Variants in AK8 observed in about 807,000 individuals in gnomAD.
AK8 encodes the protein ATP-AMP transphosphorylase 8.
Under a neutral mutation model 54.6 loss-of-function variants are expected in AK8, and 44 were observed. That is an observed-to-expected ratio of 0.81 (90% CI 0.63 to 1.04). AK8 has a LOEUF of 1.04. Among genes scored for constraint, AK8 ranks in the 50% least tolerant of loss-of-function variants. AK8 has a pLI of 0.00. For synonymous variants in AK8, 239 were observed against 245.6 expected, an observed-to-expected ratio of 0.97 and a Z score of 0.25; for missense variants, 555 against 613.6, an observed-to-expected ratio of 0.90 and a Z score of 1.01.
intron 1 of AK8, chr9:132,877,958 G>T: frequency 7.8e-7 from 1 of 1,276,210 alleles, no homozygotes; most frequent in Non-Finnish European, 1.1e-6. Flanking sequence ...CTCCCCCTGG[G>T]TCCGCCTGAG....
intron 1 of AK8, 150 bp from the exon 2 acceptor site, chr9:132,875,349 C>A: frequency 6.8e-7 from 1 of 1,475,518 alleles, no homozygotes; most frequent in Non-Finnish European, 9.0e-7. Flanking sequence ...CTGGCATCTG[C>A]TTGGGTCCCC....
At position 132,878,100 on chromosome 9, in the gene AK8, C is replaced by G; in HGVS notation, c.84+72G>C. On this transcript the variant is annotated intron_variant, in intron 1 of 12. Transcript: ENST00000298545. The surrounding 1 kb of genome is among the most constrained non-coding windows in gnomAD (Gnocchi z 4.7). ...CTCGGCCCCAGCTGCGGGTCCCGGC[C>G]GCGCACCCGACGTCGCAGTGGAGGC... 1 of 1,542,018 alleles carries G rather than the reference C, an allele frequency of 6.5e-7. No homozygotes were observed. Among genetic ancestry groups the G allele is most frequent in the Non-Finnish European group, 8.8e-7 (1 of 1,140,380 alleles).
At chr9:132,835,367 G>T (rs186406332) in intron 5 of AK8, among the ~76,000 whole-genome samples, 3 of 152,280 alleles carry the variant, frequency 2.0e-5, no homozygotes, top group Admixed American at 2.0e-4. Context: ...TCACTTTGGA[G>T]GTTCACATTT....
At position 132,799,212 on chromosome 9, in the gene AK8, C is replaced by T. The variant is rs1840327045; in HGVS notation, c.980-6437G>A. The stretch of plus-strand genomic sequence containing the variant: ...ACCGCAGAGCCAGCCCTGCAGGGAC[C>T]TTGGCTTTCTGCCCATCAGTTATTG... On this transcript the variant is annotated intron_variant, in intron 10 of 12. Transcript: ENST00000298545. This position sits in a 1 kb window ranked among gnomAD's most constrained non-coding sequence, Gnocchi z 5.0. Among the ~76,000 whole-genome samples, 1 of 152,168 alleles carries T rather than the reference C, an allele frequency of 6.6e-6. No individual in the cohort carries two copies. Among genetic ancestry groups the T allele is most frequent in the Non-Finnish European group, 1.5e-5 (1 of 68,032 alleles).
intron 5 of AK8, among the ~76,000 whole-genome samples, chr9:132,846,504 GATGA>G (rs56358230): frequency 0.19 from 29,389 of 150,764 alleles, 3,441 homozygotes; most frequent in African/African-American, 0.32. Context: ...TGAGAGAATA[GATGA>G]ATGAATGAAT....
chr9:132,737,007 T>G (rs556599421), intron 11 of AK8, among the ~76,000 whole-genome samples: 1 of 151,984 alleles, frequency 6.6e-6, no homozygotes, highest in Non-Finnish European at 1.5e-5. Flanking sequence ...TTTTAATGAG[T>G]CTAGAGTTTC....
At chr9:132,872,174 A>C (rs569849133) in intron 2 of AK8, among the ~76,000 whole-genome samples, 2 of 151,814 alleles carry the variant, frequency 1.3e-5, no homozygotes, top group Non-Finnish European at 2.9e-5. Context: ...TCTCTACAAA[A>C]AATTTTTAAA....
chr9:132,749,758 G>C (rs755089725), intron 11 of AK8, among the ~76,000 whole-genome samples: 6 of 149,958 alleles, frequency 4.0e-5, no homozygotes, highest in Non-Finnish European at 8.9e-5. Flanking sequence ...TTTTTAAATC[G>C]ATATGAAAAT....
intron 5 of AK8, among the ~76,000 whole-genome samples, chr9:132,854,580 T>C (rs973427102): frequency 6.6e-6 from 1 of 152,260 alleles, no homozygotes; most frequent in African/African-American, 2.4e-5. Context: ...CTCCCATGCT[T>C]CTGCGATTGT....
intron 5 of AK8, among the ~76,000 whole-genome samples, chr9:132,835,712 G>A (rs1388888266): frequency 6.6e-6 from 1 of 152,200 alleles, no homozygotes; most frequent in Non-Finnish European, 1.5e-5. Flanking sequence ...AACAGACCAG[G>A]CACCGTGGCT....
At chr9:132,736,572 C>T (rs1286453437) in intron 11 of AK8, among the ~76,000 whole-genome samples, 10 of 150,872 alleles carry the variant, frequency 6.6e-5, no homozygotes, top group Admixed American at 4.6e-4. Context: ...CCGAGGTGGG[C>T]GGATCACAAG....
chr9:132,780,867 C>T (rs906098091), intron 11 of AK8, among the ~76,000 whole-genome samples: 9 of 152,198 alleles, frequency 5.9e-5, no homozygotes, highest in African/African-American at 1.9e-4. Flanking sequence ...CATCCTTTTC[C>T]GGGGATTTCT....
At chr9:132,760,332 C>T (rs973768609) in intron 11 of AK8, among the ~76,000 whole-genome samples, 1 of 152,128 alleles carries the variant, frequency 6.6e-6, no homozygotes, top group African/African-American at 2.4e-5. Flanking sequence ...CAGGCTCAAG[C>T]TGCTGTGCCT....
chr9:132,785,876 A>G (rs960202464), intron 11 of AK8, among the ~76,000 whole-genome samples: 2 of 152,254 alleles, frequency 1.3e-5, no homozygotes, highest in African/African-American at 4.8e-5. Flanking sequence ...CAAAGAAATC[A>G]GAGTTTGAAT....
chr9:132,864,936 G>A (rs1175321297), intron 3 of AK8, among the ~76,000 whole-genome samples: 3 of 152,246 alleles, frequency 2.0e-5, no homozygotes, highest in African/African-American at 7.2e-5. Context: ...CAACGAGCTT[G>A]TCTGTCTAAA....
chr9:132,852,769 CAAAAAAA>C (rs35786801), intron 5 of AK8, among the ~76,000 whole-genome samples: 50 of 16,412 alleles, frequency 3.0e-3, no homozygotes, highest in African/African-American at 6.1e-3. Context: ...GATTAGGTCT[CAAAAAAA>C]AAAAAAAAAA....
chr9:132,828,869 T>G, intron 5 of AK8, 143 bp from the exon 6 acceptor site: 1 of 515,236 alleles, frequency 1.9e-6, no homozygotes, highest in Non-Finnish European at 3.4e-6. Context: ...CTCACCCTTC[T>G]TTAAAAACTA....
At chr9:132,766,710 C>A (rs1394501689) in intron 11 of AK8, among the ~76,000 whole-genome samples, 1 of 151,630 alleles carries the variant, frequency 6.6e-6, no homozygotes, top group African/African-American at 2.4e-5. Context: ...GCAAAAAGAA[C>A]AAAGCTGGAG....
In AK8 at chr9:132,823,189, C is replaced by A; in HGVS notation, c.889+16G>T. 6.5e-7 allele frequency: 1 copy of A among 1,545,766 alleles called. No homozygotes were observed. Among genetic ancestry groups the A allele is most frequent in the Non-Finnish European group, 8.7e-7 (1 of 1,149,496 alleles). On this transcript the variant is annotated intron_variant, in intron 9 of 12. Transcript: ENST00000298545. ...AGGCTCTCGAAGCTGGGCAGCCCAG[C>A]ACCTGGGGCACTCACCATTGACAAG... is the stretch of plus-strand genomic sequence containing the variant.
Sources: gnomAD v4.1 joint callset for allele counts (sites outside exome capture counted in the v4.1 genomes callset) on GRCh38, gnomAD v4.1.1 for gene constraint, Gnocchi (gnomAD v3.1) non-coding constraint, MANE v1.5 for transcripts, NCBI Gene and HGNC (gene_info 2026-07-23, HGNC 2026-07-21) for gene names.